Variants in TNFRSF10B observed in about 807,000 individuals in gnomAD.
The protein encoded by TNFRSF10B is TNF receptor superfamily member 10b.
Under a neutral mutation model 41.4 loss-of-function variants are expected in TNFRSF10B, and 35 were observed. That is an observed-to-expected ratio of 0.85 (90% CI 0.65 to 1.12). The LOEUF is 1.12. Ranked by LOEUF, TNFRSF10B falls within the 50% of genes most tolerant of loss-of-function variation. The probability of loss-of-function intolerance (pLI) is 0.00; values close to 1 mark genes in which losing one functional copy is unlikely to be tolerated. For synonymous variants in TNFRSF10B, 230 were observed against 215.5 expected (o/e 1.07, Z -0.59); for missense variants, 584 against 552.7 (o/e 1.06, Z -0.57).
intron 1 of TNFRSF10B, among the ~76,000 whole-genome samples, chr8:23,051,977 C>T (rs958725539): frequency 4.6e-5 from 7 of 152,006 alleles, no homozygotes; most frequent in Non-Finnish European, 1.0e-4. Flanking sequence ...AACAAGAATA[C>T]CTTGTAGGTT....
At chr8:23,057,843 C>G (rs1812716781) in intron 1 of TNFRSF10B, among the ~76,000 whole-genome samples, 1 of 152,156 alleles carries the variant, frequency 6.6e-6, no homozygotes, top group South Asian at 2.1e-4. Flanking sequence ...ACCTTAAAAT[C>G]CACCTCATAT....
At chr8:23,051,547 C>T (rs1055737088) in intron 1 of TNFRSF10B, among the ~76,000 whole-genome samples, 10 of 141,240 alleles carry the variant, frequency 7.1e-5, no homozygotes, top group Non-Finnish European at 9.1e-5. Context: ...GTAAAATACT[C>T]TTTTTTTTTT....
intron 1 of TNFRSF10B, among the ~76,000 whole-genome samples, chr8:23,064,074 C>T (rs929066400): frequency 2.0e-5 from 3 of 152,256 alleles, no homozygotes; most frequent in African/African-American, 7.2e-5. Flanking sequence ...GAACATGGCA[C>T]GGCCCTTCCT....
At chr8:23,051,937 T>A (rs1341367982) in intron 1 of TNFRSF10B, among the ~76,000 whole-genome samples, 7 of 152,168 alleles carry the variant, frequency 4.6e-5, no homozygotes, top group Non-Finnish European at 1.0e-4. Flanking sequence ...TCACATTTGT[T>A]TCAAAGCTAA....
In TNFRSF10B at chr8:23,057,429, A is replaced by ATT. The variant is rs201997985; in HGVS notation, c.144+11320_144+11321dup. 3.5e-4 allele frequency among the ~76,000 whole-genome samples: 40 copies of ATT among 115,594 alleles called. 1 individual carries two copies. Among genetic ancestry groups the ATT allele is most frequent in the African/African-American group, 5.7e-4 (17 of 29,572 alleles). The allele number at this position is 115,594 out of a possible 152,430, so 75.8% of individuals were successfully genotyped here. A position where few individuals can be genotyped will look rare whatever the true frequency, so the allele number is the denominator to read the frequency against. On this transcript the variant is annotated intron_variant, in intron 1 of 8. Coordinates refer to ENST00000276431, the MANE Select transcript of TNFRSF10B (RefSeq NM_003842.5). ...ATTATAATTTCCTCTGAATTCTGTA[A>ATT]TTTTTTTTTTTTTTTTTTTTGAGAT...
At chr8:23,046,497 T>C (rs1033186541) in intron 1 of TNFRSF10B, among the ~76,000 whole-genome samples, 10 of 151,916 alleles carry the variant, frequency 6.6e-5, no homozygotes, top group African/African-American at 2.4e-4. Context: ...AGAACTAATA[T>C]TGTTAAAATG....
chr8:23,042,000 G>C (rs1473321083), intron 2 of TNFRSF10B, among the ~76,000 whole-genome samples: 1 of 152,160 alleles, frequency 6.6e-6, no homozygotes, highest in Non-Finnish European at 1.5e-5. Context: ...AATGTGTACT[G>C]CTAGCCCTGC....
At chr8:23,052,073 A>T (rs1465707593) in intron 1 of TNFRSF10B, among the ~76,000 whole-genome samples, 1 of 152,156 alleles carries the variant, frequency 6.6e-6, no homozygotes, top group Admixed American at 6.5e-5. Context: ...CTTTAATGAC[A>T]ACTATCGCAG....
chr8:23,031,255 T>C (rs1435085577), intron 2 of TNFRSF10B, among the ~76,000 whole-genome samples: 1 of 152,082 alleles, frequency 6.6e-6, no homozygotes, highest in Non-Finnish European at 1.5e-5. Context: ...TTTGTATTTT[T>C]TTAGTAGAGA....
intron 1 of TNFRSF10B, among the ~76,000 whole-genome samples, chr8:23,057,971 G>GCA (rs1812719267): frequency 6.6e-6 from 1 of 152,122 alleles, no homozygotes; most frequent in African/African-American, 2.4e-5. Context: ...TCTTGGCTGG[G>GCA]CACAATGGTT....
At chr8:23,028,252 G>A in intron 5 of TNFRSF10B, 79 bp downstream of exon 5, 1 of 1,599,068 alleles carries the variant, frequency 6.3e-7, no homozygotes, top group South Asian at 1.1e-5. Context: ...GCAGGGGCAG[G>A]CGTTTCTGTC....
At chr8:23,042,654 C>T (rs1812238255) in intron 2 of TNFRSF10B, among the ~76,000 whole-genome samples, 1 of 152,184 alleles carries the variant, frequency 6.6e-6, no homozygotes, top group South Asian at 2.1e-4. Flanking sequence ...GGACATCCAT[C>T]ACTCATGAAA....
At chr8:23,045,282 G>T (rs1812326469) in intron 1 of TNFRSF10B, among the ~76,000 whole-genome samples, 1 of 151,740 alleles carries the variant, frequency 6.6e-6, no homozygotes, top group Non-Finnish European at 1.5e-5. Flanking sequence ...AAATGCAAAG[G>T]ATCATATGAA....
intron 2 of TNFRSF10B, among the ~76,000 whole-genome samples, chr8:23,035,576 A>C (rs1028963952): frequency 6.6e-6 from 1 of 152,224 alleles, no homozygotes; most frequent in African/African-American, 2.4e-5. Context: ...AGACATTTGC[A>C]TGTCAGGGGG....
In TNFRSF10B at chr8:23,020,563, G is replaced by A. The variant is rs1020908100; in HGVS notation, c.*2108C>T. 4.5e-6 allele frequency: 2 copies of A among 445,996 alleles called. No individual in the cohort carries two copies. The highest frequency in any genetic ancestry group is 9.0e-6 in the Non-Finnish European group (2 of 221,780). The allele number at this position is 445,996 out of a possible 1,614,324, so 27.6% of individuals were successfully genotyped here. A position where few individuals can be genotyped will look rare whatever the true frequency, so the allele number is the denominator to read the frequency against. On this transcript the variant is annotated 3_prime_UTR_variant, in exon 9 of 9. Coordinates refer to ENST00000276431, the MANE Select transcript of TNFRSF10B (RefSeq NM_003842.5). ...AAAAATTAGCCAGGCGTGGTGGCGG[G>A]TGCCTGCAATCCCAGCTACTCCGGA...
chr8:23,027,208 C>T lies in TNFRSF10B; in HGVS notation c.861G>A (p.Gln287=), dbSNP rs770168661. 4 of 1,614,230 alleles carry T rather than the reference C, an allele frequency of 2.5e-6. No individual in the cohort carries two copies. The highest frequency in any genetic ancestry group is 3.4e-6 in the Non-Finnish European group (4 of 1,180,040). ...CTGCTGGCTCCTGGACTTCCATTTC[C>T]TGCTCAGGGACCTGGGTGGGCTGCA... ...SILQPTQVPE[Q]EMEVQEPAEP... The change falls in exon 7 of 9, where the codon CAG becomes CAA. Residue 287 remains glutamine, a synonymous_variant. Transcript: ENST00000276431.
chr8:23,049,419 T>C (rs1812456424), intron 1 of TNFRSF10B, among the ~76,000 whole-genome samples: 1 of 152,114 alleles, frequency 6.6e-6, no homozygotes, highest in Admixed American at 6.5e-5. Context: ...AACAAGTGTG[T>C]GGGAGGGCTG....
intron 3 of TNFRSF10B, 67 bp downstream of exon 3, chr8:23,030,692 T>G: frequency 1.6e-6 from 2 of 1,246,052 alleles, no homozygotes; most frequent in Non-Finnish European, 2.3e-6. Flanking sequence ...TGATCCCATT[T>G]TAGCTACAAC....
In TNFRSF10B at chr8:23,020,374, T is replaced by G. The variant is rs974654968; in HGVS notation, c.*2297A>C. Reference sequence around the variant, plus strand: ...GTAACTAAACAACAAAACCCCCAATTATTTCATGTCGTCAGGAAGCTTACT... The same window carrying G: ...GTAACTAAACAACAAAACCCCCAATGATTTCATGTCGTCAGGAAGCTTACT... On this transcript the variant is annotated 3_prime_UTR_variant, in exon 9 of 9. Transcript: ENST00000276431. 1 of 454,028 alleles carries G rather than the reference T, an allele frequency of 2.2e-6. No homozygotes were observed. The highest frequency in any genetic ancestry group is 4.4e-6 in the Non-Finnish European group (1 of 226,770). The allele number at this position is 454,028 out of a possible 1,614,324, so 28.1% of individuals were successfully genotyped here.
Sources: gnomAD v4.1 joint callset for allele counts (sites outside exome capture counted in the v4.1 genomes callset) on GRCh38, gnomAD v4.1.1 for gene constraint, MANE v1.5 for transcripts, NCBI Gene and HGNC (gene_info 2026-07-23, HGNC 2026-07-21) for gene names.